The following SLC4A10 variants were observed in gnomAD, a reference collection of about 807,000 sequenced individuals.
SLC4A10 encodes sodium-driven chloride bicarbonate exchanger.
In SLC4A10, 42 loss-of-function variants were observed where a neutral mutation model predicts 137.7. The ratio of observed to expected loss-of-function variants is 0.30; its 90% CI spans 0.24 to 0.39. SLC4A10 has a LOEUF of 0.39. Among genes scored for constraint, SLC4A10 ranks in the 10% least tolerant of loss-of-function variants. The pLI is 1.00. For missense variants in SLC4A10, 925 were observed against 1,355.0 expected, an observed-to-expected ratio of 0.68 and a Z score of 4.98; for synonymous variants, 474 against 464.1, an observed-to-expected ratio of 1.02 and a Z score of -0.27.
intron 15 of SLC4A10, among the ~76,000 whole-genome samples, chr2:161,913,331 G>C (rs941182492): frequency 6.6e-6 from 1 of 152,030 alleles, no homozygotes; most frequent in Non-Finnish European, 1.5e-5. Context: ...AGTTTAAAGA[G>C]TTGTTTTTCA....
At chr2:161,675,789 T>G (rs927165607) in intron 1 of SLC4A10, among the ~76,000 whole-genome samples, 1 of 152,218 alleles carries the variant, frequency 6.6e-6, no homozygotes, top group Non-Finnish European at 1.5e-5. Flanking sequence ...TTCTTCACTT[T>G]TACTGAAAAA....
chr2:161,839,676 T>G, intron 3 of SLC4A10, 113 bp from the exon 4 acceptor site: 8 of 1,170,132 alleles, frequency 6.8e-6, no homozygotes, highest in Non-Finnish European at 9.6e-6. Flanking sequence ...AGGGGAGGTG[T>G]GAGCTTGGGG....
intron 26 of SLC4A10, among the ~76,000 whole-genome samples, chr2:161,982,784 C>T (rs1319248177): frequency 6.6e-6 from 1 of 152,172 alleles, no homozygotes; most frequent in African/African-American, 2.4e-5. Context: ...AGAAATGCCT[C>T]CTGCGACATC....
At chr2:161,893,542 T>G (rs1292697728) in intron 10 of SLC4A10, among the ~76,000 whole-genome samples, 7 of 151,842 alleles carry the variant, frequency 4.6e-5, no homozygotes, top group Non-Finnish European at 8.8e-5. Context: ...CAAGAAATTT[T>G]TTAAAAATTA....
intron 3 of SLC4A10, among the ~76,000 whole-genome samples, chr2:161,811,864 G>T (rs2056584395): frequency 6.6e-6 from 1 of 151,714 alleles, no homozygotes; most frequent in Non-Finnish European, 1.5e-5. Flanking sequence ...TAATTTAATT[G>T]ACCTCTTCCT....
rs17305002 is a variant in SLC4A10 at position 161,672,653 on chromosome 2, A to C, written c.48+48087A>C. ...GCATTACTTAGCTTTGTGCATATCA[A>C]CTTCTGTCCTTTCAAGATTATATAG... On this transcript the variant is annotated intron_variant, in intron 1 of 26. Transcript: ENST00000446997. Among the ~76,000 whole-genome samples the C allele has an allele frequency of 5.4e-3, 818 of 152,238 alleles. 1 individual carries two copies. The highest frequency in any genetic ancestry group is 8.9e-3 in the Non-Finnish European group (606 of 67,996).
intron 2 of SLC4A10, among the ~76,000 whole-genome samples, chr2:161,785,408 A>C (rs2053510323): frequency 6.6e-6 from 1 of 151,828 alleles, no homozygotes; most frequent in South Asian, 2.1e-4. Context: ...AGCCAAAGAC[A>C]CTGCAAGATA....
chr2:161,808,928 C>G (rs2056282170), intron 3 of SLC4A10, among the ~76,000 whole-genome samples: 1 of 152,078 alleles, frequency 6.6e-6, no homozygotes, highest in Non-Finnish European at 1.5e-5. Context: ...GAGTATATAC[C>G]CAGTAATGGG....
At chr2:161,683,864 T>C (rs1313100119) in intron 1 of SLC4A10, among the ~76,000 whole-genome samples, 4 of 152,188 alleles carry the variant, frequency 2.6e-5, no homozygotes, top group Non-Finnish European at 5.9e-5. Context: ...ATTCCATTTT[T>C]TTTGTTGTGG....
At chr2:161,733,167 A>G (rs2046985697) in intron 1 of SLC4A10, among the ~76,000 whole-genome samples, 1 of 152,190 alleles carries the variant, frequency 6.6e-6, no homozygotes, top group Non-Finnish European at 1.5e-5. Flanking sequence ...AATCCCCAAG[A>G]CAATGGGGAA....
chr2:161,716,106 T>C (rs1009247871), intron 1 of SLC4A10, among the ~76,000 whole-genome samples: 1 of 152,082 alleles, frequency 6.6e-6, no homozygotes, highest in Non-Finnish European at 1.5e-5. Flanking sequence ...TTTCTCTAAA[T>C]ATGTTTTTTG....
At chr2:161,787,113 C>A (rs2053714707) in intron 2 of SLC4A10, among the ~76,000 whole-genome samples, 2 of 152,038 alleles carry the variant, frequency 1.3e-5, no homozygotes, top group African/African-American at 2.4e-5. Context: ...GCACCAGTCT[C>A]ATGGTGATGA....
intron 12 of SLC4A10, among the ~76,000 whole-genome samples, chr2:161,901,610 T>C (rs1197618889): frequency 6.6e-6 from 1 of 152,068 alleles, no homozygotes; most frequent in East Asian, 1.9e-4. Flanking sequence ...TCAGGGAATA[T>C]GTGTATAGCC....
intron 1 of SLC4A10, among the ~76,000 whole-genome samples, chr2:161,758,879 GAAGCA>G (rs1189675279): frequency 2.0e-5 from 3 of 151,932 alleles, no homozygotes; most frequent in Non-Finnish European, 4.4e-5. Flanking sequence ...ATCTTAGGTT[GAAGCA>G]AAGATAGGTA....
At chr2:161,944,667 T>C (rs1693394563) in intron 16 of SLC4A10, among the ~76,000 whole-genome samples, 1 of 151,698 alleles carries the variant, frequency 6.6e-6, no homozygotes, top group African/African-American at 2.4e-5. Context: ...TCATATTATT[T>C]TTCATTAGTT....
intron 3 of SLC4A10, among the ~76,000 whole-genome samples, chr2:161,823,785 GC>G (rs2057816962): frequency 6.6e-6 from 1 of 152,188 alleles, no homozygotes; most frequent in Non-Finnish European, 1.5e-5. Context: ...GGTTTTTAAA[GC>G]AGACGAAAGT....
chr2:161,946,770 A>G (rs1464618001), intron 16 of SLC4A10, among the ~76,000 whole-genome samples: 2 of 152,136 alleles, frequency 1.3e-5, no homozygotes, highest in Admixed American at 6.6e-5. Flanking sequence ...AGGCTCTTAC[A>G]GAACTACAGT....
intron 1 of SLC4A10, among the ~76,000 whole-genome samples, chr2:161,752,048 T>A (rs1481851759): frequency 2.0e-5 from 3 of 151,906 alleles, no homozygotes; most frequent in African/African-American, 7.2e-5. Flanking sequence ...AGTGGAAACC[T>A]TTTTTGCTGC....
At chr2:161,692,929 CA>C (rs5835880) in intron 1 of SLC4A10, among the ~76,000 whole-genome samples, 1 of 149,744 alleles carries the variant, frequency 6.7e-6, no homozygotes. Context: ...TCTTGGTGAG[CA>C]AAAAAAAAAA....
Sources: allele counts gnomAD v4.1 joint callset (sites outside exome capture counted in the v4.1 genomes callset), GRCh38; gene constraint gnomAD v4.1.1; transcripts MANE v1.5; gene names NCBI Gene and HGNC (gene_info 2026-07-23, HGNC 2026-07-21).